Variants in NRCAM observed in about 807,000 individuals in gnomAD.
NRCAM encodes the protein NgCAM-related cell adhesion molecule.
In NRCAM, 83 loss-of-function variants were observed where a neutral mutation model predicts 156.5. The ratio of observed to expected loss-of-function variants is 0.53; its 90% confidence interval spans 0.44 to 0.64. The LOEUF (loss-of-function observed/expected upper bound fraction) is 0.64. Among genes scored for constraint, NRCAM ranks in the 30% least tolerant of loss-of-function variants. The probability of loss-of-function intolerance (pLI) is 0.00; values close to 1 mark genes in which losing one functional copy is unlikely to be tolerated. For synonymous variants in NRCAM, 538 were observed against 563.9 expected (o/e 0.95, Z 0.65); for missense variants, 1,417 against 1,597.3 (o/e 0.89, Z 1.92).
At chr7:108,409,176 T>C (rs1792215657) in intron 1 of NRCAM, among the ~76,000 whole-genome samples, 1 of 152,154 alleles carries the variant, frequency 6.6e-6, no homozygotes, top group Non-Finnish European at 1.5e-5. Flanking sequence ...TGCAGAGCAT[T>C]AAGAGAAATG....
chr7:108,226,820 G>C (rs2093543753), intron 8 of NRCAM, among the ~76,000 whole-genome samples: 1 of 152,064 alleles, frequency 6.6e-6, no homozygotes, highest in South Asian at 2.1e-4. Context: ...TAAATACGTG[G>C]AGACCATCTA....
Position 108,269,048 on chromosome 7 carries a change from T to C in NRCAM, c.-106-28878A>G, listed in dbSNP as rs575835779. Reference sequence around the variant, plus strand: ...ATTGATAAGTGGCAGAACCAGGACTTGAGCCTGGGAAGTATGGCTTTGGGC... The same window carrying C: ...ATTGATAAGTGGCAGAACCAGGACTCGAGCCTGGGAAGTATGGCTTTGGGC... On this transcript the variant is annotated intron_variant, in intron 3 of 32. Transcript: ENST00000379028. Among the ~76,000 whole-genome samples the C allele has an allele frequency of 5.3e-5, 8 of 152,178 alleles. No individual in the cohort carries two copies. In the East Asian group the frequency reaches 1.5e-3, roughly 29 times the overall value.
At position 108,439,832 on chromosome 7, in the gene NRCAM, CAAAAAAAAA is replaced by C. The variant is rs34432715; in HGVS notation, c.-332+16402_-332+16410del. 3.6e-4 allele frequency among the ~76,000 whole-genome samples: 25 copies of C among 70,412 alleles called. No individual in the cohort carries two copies. The Admixed American group carries it at 4.3e-3, about 12-fold the overall frequency. 46.2% of individuals were successfully genotyped at this position (70,412 alleles called of 152,430 possible). A position where few individuals can be genotyped will look rare whatever the true frequency, so the allele number is the denominator to read the frequency against. ...TGGGTGACAGAGCAAGACTCCGTCA[CAAAAAAAAA>C]AAAAAAAAAAAAAGGACAGGCAATA... On this transcript the variant is annotated intron_variant, in intron 1 of 32. Coordinates refer to ENST00000379028, the MANE Select transcript of NRCAM (RefSeq NM_001037132.4).
intron 12 of NRCAM, among the ~76,000 whole-genome samples, chr7:108,209,181 C>G (rs2082745106): frequency 6.6e-6 from 1 of 152,064 alleles, no homozygotes; most frequent in Non-Finnish European, 1.5e-5. Context: ...ATTGACTTTT[C>G]TATTTCCTTC....
In NRCAM at chr7:108,189,474, A is replaced by G. The variant is rs1052846370; in HGVS notation, c.2035+171T>C. On this transcript the variant is annotated intron_variant, in intron 20 of 32. Coordinates refer to ENST00000379028, the MANE Select transcript of NRCAM (RefSeq NM_001037132.4). Reference sequence around the variant, plus strand: ...CCTATTCTAGAAGGTGTAACCAGGAATAGTTTCAGCTCTGAAGAGAGGAAG... The same window carrying G: ...CCTATTCTAGAAGGTGTAACCAGGAGTAGTTTCAGCTCTGAAGAGAGGAAG... 3.3e-5 allele frequency among the ~76,000 whole-genome samples: 5 copies of G among 152,364 alleles called. No homozygotes were observed. In the South Asian group the frequency reaches 8.3e-4, roughly 25 times the overall value.
chr7:108,323,993 G>A (rs2099034779), intron 2 of NRCAM, among the ~76,000 whole-genome samples: 1 of 152,012 alleles, frequency 6.6e-6, no homozygotes, highest in Non-Finnish European at 1.5e-5. Flanking sequence ...AGGCGGCCAG[G>A]TGGCTGAGAG....
intron 31 of NRCAM, 125 bp downstream of exon 31, chr7:108,160,236 G>C (rs1262101833): frequency 6.8e-6 from 6 of 887,432 alleles, no homozygotes; most frequent in South Asian, 6.5e-5. Context: ...CATTTGAAGA[G>C]AAAGTCCAAA....
chr7:108,404,828 G>C (rs1341996158), intron 1 of NRCAM, among the ~76,000 whole-genome samples: 1 of 152,208 alleles, frequency 6.6e-6, no homozygotes, highest in Non-Finnish European at 1.5e-5. Context: ...CCCGAATGTG[G>C]AGGAAGTTGT....
At chr7:108,184,664 T>TGC in intron 20 of NRCAM, 50 bp from the exon 21 acceptor site, 1 of 1,555,222 alleles carries the variant, frequency 6.4e-7, no homozygotes, top group Non-Finnish European at 8.8e-7. Context: ...TTCAGTCAAC[T>TGC]CAGGGGTAGC....
Position 108,277,996 on chromosome 7 carries a change from C to T in NRCAM, c.-107+34669G>A, listed in dbSNP as rs530785329. ...TAGTTTTCCCTCTAACAGGCCCCTC[C>T]GCTGCAGGTCTGCTGGAGTTTGCTG... On this transcript the variant is annotated intron_variant, in intron 3 of 32. Coordinates refer to ENST00000379028, the MANE Select transcript of NRCAM (RefSeq NM_001037132.4). 5.9e-5 allele frequency among the ~76,000 whole-genome samples: 9 copies of T among 152,344 alleles called. No individual in the cohort carries two copies. In the South Asian group the frequency reaches 1.0e-3, roughly 18 times the overall value.
At chr7:108,150,902 T>C (rs1378730545) in intron 32 of NRCAM, 1 of 374,436 alleles carries the variant, frequency 2.7e-6, no homozygotes, top group African/African-American at 2.1e-5. Flanking sequence ...ATGAATGGCA[T>C]GCCAATATAT....
At chr7:108,231,256 T>C in intron 7 of NRCAM, 103 bp from the exon 8 acceptor site, 1 of 725,900 alleles carries the variant, frequency 1.4e-6, no homozygotes, top group South Asian at 2.2e-5. Context: ...AAATAATTTG[T>C]AATTTATGTA....
At chr7:108,234,725 T>C in intron 5 of NRCAM, 37 bp from the exon 6 acceptor site, 1 of 1,431,406 alleles carries the variant, frequency 7.0e-7, no homozygotes, top group Non-Finnish European at 9.8e-7. Flanking sequence ...AAAAAACAAA[T>C]TATTTAAAAT....
Position 108,265,881 on chromosome 7 carries a change from A to C in NRCAM, c.-106-25711T>G, listed in dbSNP as rs952155988. On this transcript the variant is annotated intron_variant, in intron 3 of 32. Coordinates refer to ENST00000379028, the MANE Select transcript of NRCAM (RefSeq NM_001037132.4). ...TGCCATACCATTTACAACAAAATAC[A>C]CCATTGATGTTTAGCTAAATGAAAG... Among the ~76,000 whole-genome samples, 4 of 152,194 alleles carry C rather than the reference A, an allele frequency of 2.6e-5. No individual in the cohort carries two copies. The East Asian group carries it at 5.8e-4, about 22-fold the overall frequency.
At chr7:108,232,218 G>T in intron 7 of NRCAM, 108 bp downstream of exon 7, 1 of 796,798 alleles carries the variant, frequency 1.3e-6, no homozygotes, top group Non-Finnish European at 2.0e-6. Flanking sequence ...CAGAATATTG[G>T]AAGCAATGCC....
intron 1 of NRCAM, among the ~76,000 whole-genome samples, chr7:108,416,655 T>G (rs1209334004): frequency 6.6e-6 from 1 of 152,186 alleles, no homozygotes; most frequent in African/African-American, 2.4e-5. Flanking sequence ...TTTTATAGTA[T>G]GCTTTTCAAG....
chr7:108,370,170 T>C (rs2099619412), intron 2 of NRCAM, among the ~76,000 whole-genome samples: 1 of 152,160 alleles, frequency 6.6e-6, no homozygotes, highest in Admixed American at 6.6e-5. Flanking sequence ...AGATATGATG[T>C]AACTGATGCA....
chr7:108,345,834 C>T (rs1049378547), intron 2 of NRCAM, among the ~76,000 whole-genome samples: 1 of 152,186 alleles, frequency 6.6e-6, no homozygotes, highest in African/African-American at 2.4e-5. Context: ...TGAATTAAGG[C>T]AGTCCAAAAG....
chr7:108,175,504 T>C (rs2060142193), intron 27 of NRCAM, 147 bp from the exon 28 acceptor site: 2 of 660,258 alleles, frequency 3.0e-6, no homozygotes, highest in Middle Eastern at 2.5e-4. Flanking sequence ...GGGACAAAGA[T>C]ATGTTGGTGT....
Sources: gnomAD v4.1 joint callset for allele counts (sites outside exome capture counted in the v4.1 genomes callset) on GRCh38, gnomAD v4.1.1 for gene constraint, MANE v1.5 for transcripts, NCBI Gene and HGNC (gene_info 2026-07-23, HGNC 2026-07-21) for gene names.